Variants in TNS3 observed in about 807,000 individuals in gnomAD.
TNS3 encodes tensin-3.
TNS3 carries 45 observed loss-of-function variants against 140.9 expected under a neutral mutation model. The observed-to-expected ratio is 0.32, with a 90% CI of 0.25 to 0.41. The LOEUF (loss-of-function observed/expected upper bound fraction) is 0.41. Among genes scored for constraint, TNS3 ranks in the 10% least tolerant of loss-of-function variants. The pLI, the probability that TNS3 is intolerant of heterozygous loss-of-function variation, is 1.00. For synonymous variants in TNS3, 815 were observed against 788.4 expected, an observed-to-expected ratio of 1.03 and a Z score of -0.56; for missense variants, 1,716 against 1,906.7, an observed-to-expected ratio of 0.90 and a Z score of 1.86.
In TNS3 at chr7:47,346,269, A is replaced by C. The variant is rs1789335663; in HGVS notation, c.2369T>G (p.Phe790Cys). The stretch of plus-strand genomic sequence containing the variant: ...AGCCTTTCCCCATGCACATTTGGAG[A>C]AGGGCAGCTGCCCCCCAGCATCGTT... ...YDNDAGGQLP[F>C]SKCAWGKAGV... Residue 790 changes from phenylalanine (F) to cysteine (C), a missense_variant, in exon 18 of 31, where the codon TTC becomes TGC. Phe to Cys is a radical substitution (Grantham distance 205). This residue lies in a region of TNS3 where 1,163 missense variants were observed against 1,182.1 expected (regional missense o/e 0.98). Coordinates refer to ENST00000311160, the MANE Select transcript of TNS3 (RefSeq NM_022748.12). 1.2e-6 allele frequency: 2 copies of C among 1,614,026 alleles called. No individual in the cohort carries two copies. Among genetic ancestry groups the C allele is most frequent in the Non-Finnish European group, 8.5e-7 (1 of 1,180,026 alleles).
intron 4 of TNS3, among the ~76,000 whole-genome samples, chr7:47,460,042 T>C (rs1299633973): frequency 6.6e-6 from 1 of 151,506 alleles, no homozygotes; most frequent in Non-Finnish European, 1.5e-5. Flanking sequence ...TGAAACCTCG[T>C]CTCTACTAAA....
chr7:47,398,006 A>G (rs1302646312), intron 15 of TNS3, among the ~76,000 whole-genome samples: 1 of 152,180 alleles, frequency 6.6e-6, no homozygotes, highest in Non-Finnish European at 1.5e-5. Context: ...ACCAGCACGA[A>G]AGATCATTCA....
At chr7:47,381,098 C>T (rs1791730870) in intron 16 of TNS3, among the ~76,000 whole-genome samples, 1 of 152,230 alleles carries the variant, frequency 6.6e-6, no homozygotes, top group African/African-American at 2.4e-5. Context: ...AAAGAAGCTC[C>T]TCCTGGGAGT....
At chr7:47,510,645 G>A (rs1487668715) in intron 2 of TNS3, among the ~76,000 whole-genome samples, 3 of 152,006 alleles carry the variant, frequency 2.0e-5, no homozygotes, top group African/African-American at 7.3e-5. Context: ...AGGCTGAGGC[G>A]GGCAGATCAC....
At chr7:47,521,948 C>T (rs1209645644) in intron 2 of TNS3, among the ~76,000 whole-genome samples, 1 of 152,078 alleles carries the variant, frequency 6.6e-6, no homozygotes, top group African/African-American at 2.4e-5. Flanking sequence ...AGGGCCAGAC[C>T]CAGGGAAGCT....
intron 4 of TNS3, among the ~76,000 whole-genome samples, chr7:47,446,688 CTTTTTTT>C (rs144042398): frequency 5.8e-4 from 56 of 96,726 alleles, no homozygotes; most frequent in East Asian, 2.3e-3. Flanking sequence ...TCCAGGCTGC[CTTTTTTT>C]TTTTTTTTTT....
chr7:47,543,021 C>T (rs939762778), intron 1 of TNS3, among the ~76,000 whole-genome samples: 1 of 152,080 alleles, frequency 6.6e-6, no homozygotes, highest in Non-Finnish European at 1.5e-5. Flanking sequence ...TGCCAGCTCT[C>T]ATCTGCAGAA....
chr7:47,339,381 C>T (rs1374689621), intron 20 of TNS3, among the ~76,000 whole-genome samples: 1 of 152,110 alleles, frequency 6.6e-6, no homozygotes, highest in Non-Finnish European at 1.5e-5. Context: ...AAAGTGTGAG[C>T]CTTTGGTGGC....
chr7:47,514,744 A>G (rs149222183), intron 2 of TNS3, among the ~76,000 whole-genome samples: 1 of 152,220 alleles, frequency 6.6e-6, no homozygotes, highest in East Asian at 1.9e-4. Context: ...AATGGGGAGC[A>G]TTTATGCGTG....
chr7:47,558,910 G>A (rs2151995192), intron 1 of TNS3, among the ~76,000 whole-genome samples: 2 of 152,300 alleles, frequency 1.3e-5, no homozygotes, highest in Middle Eastern at 6.8e-3. Flanking sequence ...ACCTGGTAAT[G>A]GCAAAACTGG....
At chr7:47,366,110 TAAG>T (rs1195860399) in intron 17 of TNS3, among the ~76,000 whole-genome samples, 1 of 152,308 alleles carries the variant, frequency 6.6e-6, no homozygotes, top group African/African-American at 2.4e-5. Flanking sequence ...TAACTTCTTT[TAAG>T]AAGGTTTGGT....
intron 1 of TNS3, among the ~76,000 whole-genome samples, chr7:47,546,865 G>C (rs11767500): frequency 0.25 from 37,784 of 152,108 alleles, 5,660 homozygotes; most frequent in East Asian, 0.44. Context: ...CGCCTGGTAA[G>C]ACACGGCTGT....
At chr7:47,329,679 C>T (rs1212188617) in intron 20 of TNS3, among the ~76,000 whole-genome samples, 2 of 152,192 alleles carry the variant, frequency 1.3e-5, no homozygotes, top group African/African-American at 2.4e-5. Context: ...ACAGAGCAGG[C>T]TCAGCGGAAG....
At chr7:47,293,591 GATCAGCAGGATT>G (rs1785834415) in intron 25 of TNS3, 130 bp downstream of exon 25, 2 of 696,820 alleles carry the variant, frequency 2.9e-6, no homozygotes, top group African/African-American at 1.8e-5. Context: ...TAATAATGCA[GATCAGCAGGATT>G]TCAGAACTGG....
chr7:47,381,893 C>T (rs1791784609), intron 16 of TNS3, among the ~76,000 whole-genome samples: 1 of 152,202 alleles, frequency 6.6e-6, no homozygotes, highest in Admixed American at 6.5e-5. Context: ...GCAATAAAGG[C>T]AGTGACTAAT....
rs554954393 is a variant in TNS3, at chr7:47,408,435, G to T, written c.723+3292C>A. 1.4e-4 allele frequency among the ~76,000 whole-genome samples: 21 copies of T among 151,536 alleles called. No homozygotes were observed. In the South Asian group the frequency reaches 1.5e-3, roughly 11 times the overall value. On this transcript the variant is annotated intron_variant, in intron 13 of 30. Transcript: ENST00000311160. ...ACTACAGGGTGGGACAGGATAAGAC[G>T]CAGCACCATGGGGAGAGGGCCTATG...
At chr7:47,411,658 A>G (rs940683513) in intron 13 of TNS3, 69 bp downstream of exon 13, 22 of 1,484,248 alleles carry the variant, frequency 1.5e-5, no homozygotes, top group South Asian at 9.7e-5. Flanking sequence ...ACACAGAATC[A>G]TGATTTCAAG....
intron 25 of TNS3, among the ~76,000 whole-genome samples, chr7:47,293,383 G>C (rs1386153364): frequency 6.6e-6 from 1 of 152,204 alleles, no homozygotes; most frequent in Non-Finnish European, 1.5e-5. Context: ...AGGGTGCTCT[G>C]TTGGGAGCTC....
rs6150097 is a variant in TNS3, at chr7:47,497,662, AAC to A, written c.-115+9243_-115+9244del. On this transcript the variant is annotated intron_variant, in intron 3 of 30. Transcript: ENST00000311160. The stretch of plus-strand genomic sequence containing the variant: ...GCCTAGTACAGAGTTTCACGTATGG[AAC>A]ACACACACACACACACACACACACA... Among the ~76,000 whole-genome samples, 423 of 91,196 alleles carry A rather than the reference AAC, an allele frequency of 4.6e-3. 3 individuals carry two copies. In the Middle Eastern group the frequency reaches 0.06, roughly 13 times the overall value. 59.8% of individuals were successfully genotyped at this position (91,196 alleles called of 152,430 possible). A position where few individuals can be genotyped will look rare whatever the true frequency, so the allele number is the denominator to read the frequency against.
Sources: allele counts gnomAD v4.1 joint callset (sites outside exome capture counted in the v4.1 genomes callset), GRCh38; gene constraint gnomAD v4.1.1; regional missense constraint gnomAD v4.1.1; transcripts MANE v1.5; gene names NCBI Gene and HGNC (gene_info 2026-07-23, HGNC 2026-07-21).